Variants in WDHD1 observed in about 807,000 individuals in gnomAD.
The protein encoded by WDHD1 is WD repeat and HMG-box DNA binding protein 1.
Under a neutral mutation model 135.4 loss-of-function variants are expected in WDHD1, and 111 were observed. The ratio of observed to expected loss-of-function variants is 0.82; its 90% CI spans 0.70 to 0.96. The LOEUF (loss-of-function observed/expected upper bound fraction) is 0.96. Among genes scored for constraint, WDHD1 ranks in the 40% least tolerant of loss-of-function variants. WDHD1 has a pLI of 0.00. For missense variants in WDHD1, 1,351 were observed against 1,336.3 expected, an observed-to-expected ratio of 1.01 and a Z score of -0.17; for synonymous variants, 434 against 439.0, an observed-to-expected ratio of 0.99 and a Z score of 0.14.
At chr14:54,946,987 G>C (rs1308816684) in intron 24 of WDHD1, among the ~76,000 whole-genome samples, 2 of 151,704 alleles carry the variant, frequency 1.3e-5, no homozygotes, top group Non-Finnish European at 2.9e-5. Flanking sequence ...AGGTTGCAGT[G>C]AGCTGAGATT....
intron 24 of WDHD1, among the ~76,000 whole-genome samples, chr14:54,946,439 T>C (rs888301274): frequency 6.6e-6 from 1 of 152,214 alleles, no homozygotes; most frequent in Non-Finnish European, 1.5e-5. Context: ...CAAAAGTAAG[T>C]TTTTTGTATA....
chr14:54,957,669 G>A, intron 21 of WDHD1, 34 bp from the exon 22 acceptor site: 1 of 1,564,376 alleles, frequency 6.4e-7, no homozygotes, highest in Non-Finnish European at 8.7e-7. Context: ...CTTAATAATG[G>A]TAGAAAATAG....
chr14:54,963,214 A>T (rs200386217), intron 18 of WDHD1, 42 bp from the exon 19 acceptor site: 3 of 1,498,474 alleles, frequency 2.0e-6, no homozygotes, highest in Non-Finnish European at 2.8e-6. Flanking sequence ...AAATAACATC[A>T]AGTAAAACTT....
intron 7 of WDHD1, chr14:55,005,589 T>A: frequency 1.7e-6 from 1 of 600,506 alleles, no homozygotes; most frequent in South Asian, 1.4e-5. Context: ...TACTGTCCCA[T>A]CTGGAAGACA....
Position 55,001,846 on chromosome 14 carries a change from C to T in WDHD1, c.693+247G>A, listed in dbSNP as rs553866105. Among the ~76,000 whole-genome samples the T allele has an allele frequency of 2.0e-5, 3 of 152,360 alleles. No homozygotes were observed. In the East Asian group the frequency reaches 5.8e-4, roughly 29 times the overall value. On this transcript the variant is annotated intron_variant, in intron 8 of 25. Transcript: ENST00000360586. ...CTCACTTAACAATAAAGGCTAACTACTGATCATTTTAGAACAACTTGTTCT... is the reference window on the plus strand; with the variant it reads ...CTCACTTAACAATAAAGGCTAACTATTGATCATTTTAGAACAACTTGTTCT...
intron 8 of WDHD1, 59 bp from the exon 9 acceptor site, chr14:55,001,051 T>C (rs2041973035): frequency 1.2e-5 from 13 of 1,117,312 alleles, no homozygotes; most frequent in Non-Finnish European, 1.6e-5. Flanking sequence ...TAAATACTCA[T>C]TTTATTACCA....
At chr14:54,974,432 CAAAAA>C (rs1400309694) in intron 16 of WDHD1, among the ~76,000 whole-genome samples, 2 of 102,138 alleles carry the variant, frequency 2.0e-5, no homozygotes. Context: ...GATTCTGTCT[CAAAAA>C]AAAAAAAAAT....
rs971742800 is a variant in WDHD1, at chr14:54,957,033, C to T, written c.2916+1G>A. 4 of 1,612,326 alleles carry T rather than the reference C, an allele frequency of 2.5e-6. No homozygotes were observed. The African/African-American group carries it at 5.3e-5, about 22-fold the overall frequency. ...GCAGATGAGGGTAGCTGAAACAGTA[C>T]CTGCTTAGGCTTCGGCTTTGGAATC... On this transcript the variant is annotated splice_donor_variant, in intron 23 of 25. Transcript: ENST00000360586. LOFTEE classifies it high-confidence loss of function.
At chr14:54,942,773 T>G (rs1264341986) in intron 25 of WDHD1, among the ~76,000 whole-genome samples, 3 of 152,234 alleles carry the variant, frequency 2.0e-5, no homozygotes, top group African/African-American at 7.2e-5. Context: ...TTTCAAGGGC[T>G]CTTCAAGCTG....
intron 24 of WDHD1, among the ~76,000 whole-genome samples, chr14:54,952,506 C>T (rs558028851): frequency 5.9e-5 from 9 of 152,274 alleles, no homozygotes; most frequent in South Asian, 4.1e-4. Context: ...CACAAACAAA[C>T]GGAAGAACAT....
chr14:54,979,374 T>A (rs1428382914), intron 16 of WDHD1, among the ~76,000 whole-genome samples: 1 of 152,188 alleles, frequency 6.6e-6, no homozygotes, highest in Non-Finnish European at 1.5e-5. Context: ...CAGGCTGGTC[T>A]CAAACTCCTG....
At position 54,992,967 on chromosome 14, in the gene WDHD1, CAAAT is replaced by C. The variant is rs541842202; in HGVS notation, c.1154-1571_1154-1568del. ...ACATATAATTAATTAAAAACAAAAACAAATAATTTATATTAGATAATAAAAAGTG... is the reference window on the plus strand; with the variant it reads ...ACATATAATTAATTAAAAACAAAAACAATTTATATTAGATAATAAAAAGTG... On this transcript the variant is annotated intron_variant, in intron 11 of 25. Transcript: ENST00000360586. Among the ~76,000 whole-genome samples, 4 of 151,994 alleles carry C rather than the reference CAAAT, an allele frequency of 2.6e-5. No homozygotes were observed. In the South Asian group the frequency reaches 6.2e-4, roughly 24 times the overall value.
intron 24 of WDHD1, among the ~76,000 whole-genome samples, chr14:54,951,001 T>G (rs1449210424): frequency 6.6e-6 from 1 of 151,660 alleles, no homozygotes; most frequent in East Asian, 1.9e-4. Flanking sequence ...TAAAGCAGTG[T>G]GTAGAGGGAA....
intron 3 of WDHD1, among the ~76,000 whole-genome samples, 200 bp downstream of exon 3, chr14:55,013,285 A>G (rs763444191): frequency 2.0e-5 from 3 of 151,598 alleles, no homozygotes; most frequent in African/African-American, 4.9e-5. Context: ...AAAAAAAGGT[A>G]TATCTATATT....
At chr14:55,010,759 G>A (rs544181501) in intron 3 of WDHD1, among the ~76,000 whole-genome samples, 60 of 152,168 alleles carry the variant, frequency 3.9e-4, no homozygotes, top group Non-Finnish European at 6.9e-4. Flanking sequence ...GTTATAAAAA[G>A]GAAGGAGACT....
chr14:54,984,722 C>T lies in WDHD1; in HGVS notation c.1906+1G>A. ...GTTTTTTTTAAACAAATTTATCTTGCCTTCAGCTGAAAACCCAATCCATGC... is the reference window on the plus strand; with the variant it reads ...GTTTTTTTTAAACAAATTTATCTTGTCTTCAGCTGAAAACCCAATCCATGC... On this transcript the variant is annotated splice_donor_variant, in intron 15 of 25. Transcript: ENST00000360586. LOFTEE classifies it high-confidence loss of function. 1.3e-6 allele frequency: 2 copies of T among 1,598,182 alleles called. No individual in the cohort carries two copies. Among genetic ancestry groups the T allele is most frequent in the South Asian group, 1.1e-5 (1 of 87,378 alleles).
At chr14:55,000,458 C>A in intron 10 of WDHD1, 45 bp downstream of exon 10, 1 of 1,520,164 alleles carries the variant, frequency 6.6e-7, no homozygotes, top group South Asian at 1.4e-5. Flanking sequence ...TCCATATGAT[C>A]ACAGAAACAT....
At chr14:55,007,231 TAAAAAAA>T (rs369698327) in intron 7 of WDHD1, 42 bp downstream of exon 7, 1 of 1,053,082 alleles carries the variant, frequency 9.5e-7, no homozygotes, top group Non-Finnish European at 1.3e-6. Flanking sequence ...CCATCTCTAA[TAAAAAAA>T]AAAAAAAAAA....
At chr14:55,022,824 CTTT>C (rs869133747) in intron 2 of WDHD1, among the ~76,000 whole-genome samples, 9 of 136,714 alleles carry the variant, frequency 6.6e-5, no homozygotes, top group Admixed American at 1.5e-4. Context: ...CTTTCTCTTT[CTTT>C]TTTTTTTTTT....
Sources: allele counts gnomAD v4.1 joint callset (sites outside exome capture counted in the v4.1 genomes callset), GRCh38; gene constraint gnomAD v4.1.1; transcripts MANE v1.5; gene names NCBI Gene and HGNC (gene_info 2026-07-23, HGNC 2026-07-21).